The following SIPA1L2 variants were observed in gnomAD, a reference collection of about 807,000 sequenced individuals.
SIPA1L2 encodes the protein signal induced proliferation associated 1 like 2.
SIPA1L2 carries 56 observed loss-of-function variants against 163.9 expected under a neutral mutation model. The observed-to-expected ratio is 0.34, with a 90% CI of 0.28 to 0.43. The LOEUF (loss-of-function observed/expected upper bound fraction) is 0.43, where lower values mean the gene tolerates loss of function less well. Among genes scored for constraint, SIPA1L2 ranks in the 20% least tolerant of loss-of-function variants. The pLI is 1.00. For synonymous variants in SIPA1L2, 877 were observed against 865.7 expected, an observed-to-expected ratio of 1.01 and a Z score of -0.23; for missense variants, 1,974 against 2,193.5, an observed-to-expected ratio of 0.90 and a Z score of 2.00.
intron 2 of SIPA1L2, chr1:232,561,353 G>A (rs1659024441): frequency 6.6e-6 from 1 of 152,196 alleles, no homozygotes; most frequent in African/African-American, 2.4e-5. Flanking sequence ...TATTTGACCA[G>A]AAGACTACAT....
Position 232,464,951 on chromosome 1 carries a change from C to G in SIPA1L2, c.2709G>C (p.Trp903Cys). The G allele has an allele frequency of 6.2e-7, 1 of 1,614,212 alleles. No individual in the cohort carries two copies. The highest frequency in any genetic ancestry group is 8.5e-7 in the Non-Finnish European group (1 of 1,180,030). Residue 903 changes from tryptophan to cysteine, a missense_variant, in exon 9 of 23, where the codon TGG (tryptophan) becomes TGC (cysteine). Trp to Cys is a radical substitution (Grantham distance 215). This residue lies in a region of SIPA1L2 where 1,079 missense variants were observed against 1,150.7 expected (regional missense o/e 0.94). Transcript: ENST00000674635. ...FNCSCRDVIG[W>C]TSGLVSIKVF... ...CTTTGATACTCACTAATCCAGATGT[C>G]CACCCAATCACATCCCTGCAGGAAC...
intron 6 of SIPA1L2, among the ~76,000 whole-genome samples, chr1:232,480,832 A>G (rs1252725170): frequency 1.3e-5 from 2 of 152,212 alleles, no homozygotes; most frequent in Admixed American, 6.5e-5. Flanking sequence ...CTAAAAATCT[A>G]AATTTTTACT....
chr1:232,435,581 C>T (rs991444931), intron 15 of SIPA1L2, among the ~76,000 whole-genome samples: 1 of 152,188 alleles, frequency 6.6e-6, no homozygotes, highest in Non-Finnish European at 1.5e-5. Context: ...TAATGATAAA[C>T]AGCCCAACGT....
intron 1 of SIPA1L2, among the ~76,000 whole-genome samples, chr1:232,597,522 C>T (rs1354796656): frequency 7.1e-6 from 1 of 141,844 alleles, no homozygotes; most frequent in Non-Finnish European, 1.5e-5. Flanking sequence ...CTAAAAAATA[C>T]CAAAAAAAAA....
Position 232,425,772 on chromosome 1 carries a change from G to A in SIPA1L2, c.4447C>T (p.Leu1483Phe). The A allele has an allele frequency of 3.1e-6, 5 of 1,614,084 alleles. No individual in the cohort carries two copies. Among genetic ancestry groups the A allele is most frequent in the Non-Finnish European group, 4.2e-6 (5 of 1,179,976 alleles). Residue 1483 changes from leucine (L) to phenylalanine (F), a missense_variant, in exon 18 of 23, where the codon CTT becomes TTT. Coordinates refer to ENST00000674635, the MANE Select transcript of SIPA1L2 (RefSeq NM_020808.5). Reference sequence around the variant, plus strand: ...CTCTCGTCAGACAGCGTGCGGTAAAGCGACCTCCTTGGAGACAGGTTCCCA... The same window carrying A: ...CTCTCGTCAGACAGCGTGCGGTAAAACGACCTCCTTGGAGACAGGTTCCCA... ...FYGNLSPRRS[L>F]YRTLSDESIC... is the part of the protein sequence containing the mutation.
chr1:232,513,940 A>T lies in SIPA1L2; in HGVS notation c.1400T>A (p.Ile467Asn), dbSNP rs1333491543. 6.2e-7 allele frequency: 1 copy of T among 1,614,024 alleles called. No homozygotes were observed. The highest frequency in any genetic ancestry group is 8.5e-7 in the Non-Finnish European group (1 of 1,180,034). ...GTAGCGCTTCACTTTCTCCCTGTGA[A>T]TAGGCTGGTTTTCTCTGGGCACTTC... ...VLEVPRENQP[I>N]HREKVKRYII... The change falls in exon 3 of 23, where the codon ATT becomes AAT. Residue 467 changes from isoleucine (I) to asparagine (N), a missense_variant. Ile to Asn is a moderately radical substitution (Grantham distance 149). Transcript: ENST00000674635.
chr1:232,529,773 A>G (rs970079882), intron 2 of SIPA1L2, among the ~76,000 whole-genome samples: 6 of 152,256 alleles, frequency 3.9e-5, no homozygotes, highest in Non-Finnish European at 7.3e-5. Flanking sequence ...AGGAGTAAAT[A>G]GTTTTAAGTT....
intron 1 of SIPA1L2, among the ~76,000 whole-genome samples, chr1:232,606,606 G>A (rs1661934791): frequency 6.7e-6 from 1 of 149,128 alleles, no homozygotes; most frequent in South Asian, 2.1e-4. Flanking sequence ...CCTTACCAAT[G>A]AATTATATTA....
At chr1:232,608,244 C>T (rs1027119314) in intron 1 of SIPA1L2, among the ~76,000 whole-genome samples, 4 of 152,090 alleles carry the variant, frequency 2.6e-5, no homozygotes, top group African/African-American at 7.2e-5. Context: ...GACAGGGTTT[C>T]ACCATGGTGG....
chr1:232,629,502 C>T (rs995908495), intron 1 of SIPA1L2, among the ~76,000 whole-genome samples: 1 of 152,184 alleles, frequency 6.6e-6, no homozygotes, highest in Admixed American at 6.5e-5. Context: ...GAAGCTGCGT[C>T]GGGCAACCGC....
intron 2 of SIPA1L2, among the ~76,000 whole-genome samples, chr1:232,535,403 T>G (rs555764307): frequency 1.8e-3 from 268 of 152,290 alleles, no homozygotes; most frequent in Non-Finnish European, 3.0e-3. Flanking sequence ...TAAAATGTCT[T>G]TAGTCTGAAA....
At chr1:232,559,113 C>T (rs954724320) in intron 2 of SIPA1L2, among the ~76,000 whole-genome samples, 3 of 152,286 alleles carry the variant, frequency 2.0e-5, no homozygotes, top group Non-Finnish European at 4.4e-5. Flanking sequence ...TTTACCCCAG[C>T]AACCCCAGAC....
Position 232,425,803 on chromosome 1 carries a change from C to T in SIPA1L2, c.4416G>A (p.Ser1472=), listed in dbSNP as rs199772616. Residue 1472 remains serine, a synonymous_variant, in exon 18 of 23, where the codon TCG becomes TCA. Transcript: ENST00000674635. ...PLVEEGRRKF[S]FYGNLSPRRS... The stretch of plus-strand genomic sequence containing the variant: ...TCCTTGGAGACAGGTTCCCATAGAA[C>T]GAAAACTAGGGTTTAAACAAGGTGC... 170 of 1,613,226 alleles carry T rather than the reference C, an allele frequency of 1.1e-4. No homozygotes were observed. The highest frequency in any genetic ancestry group is 4.8e-4 in the African/African-American group (36 of 74,944).
In SIPA1L2 at chr1:232,570,651, G is replaced by T. The variant is rs532418410; in HGVS notation, c.-270+3523C>A. 4.6e-5 allele frequency among the ~76,000 whole-genome samples: 7 copies of T among 152,252 alleles called. No homozygotes were observed. The South Asian group carries it at 1.5e-3, about 32-fold the overall frequency. On this transcript the variant is annotated intron_variant, in intron 2 of 22. Transcript: ENST00000674635. Reference sequence around the variant, plus strand: ...GAGAAAAAAGACTACCTGGGACACAGTAGCTTATTCAAGGAAGCACACCTT... The same window carrying T: ...GAGAAAAAAGACTACCTGGGACACATTAGCTTATTCAAGGAAGCACACCTT...
At position 232,514,467 on chromosome 1, in the gene SIPA1L2, G is replaced by C. The variant is rs373117685; in HGVS notation, c.873C>G (p.Leu291=). The part of the protein sequence containing the change: ...RLKSESVETS[L]FRKLRTVKSE... ...TTTTAACAGTTCGAAGCTTTCGGAA[G>C]AGAGATGTTTCCACCGACTCTGATT... Residue 291 remains leucine, a synonymous_variant, in exon 3 of 23, where the codon CTC becomes CTG. Coordinates refer to ENST00000674635, the MANE Select transcript of SIPA1L2 (RefSeq NM_020808.5). The C allele has an allele frequency of 6.2e-7, 1 of 1,614,218 alleles. No individual in the cohort carries two copies. The highest frequency in any genetic ancestry group is 1.1e-5 in the South Asian group (1 of 91,092).
chr1:232,562,848 CTG>C (rs1194001035), intron 2 of SIPA1L2, among the ~76,000 whole-genome samples: 3 of 152,188 alleles, frequency 2.0e-5, no homozygotes, highest in African/African-American at 7.2e-5. Flanking sequence ...GCACCACTAA[CTG>C]TGCACATTCT....
chr1:232,554,283 CAT>C (rs2102726551), intron 2 of SIPA1L2, among the ~76,000 whole-genome samples: 1 of 152,272 alleles, frequency 6.6e-6, no homozygotes, highest in East Asian at 1.9e-4. Flanking sequence ...ATAGGAGAGA[CAT>C]AGCAGATCAG....
At chr1:232,584,981 T>C (rs1232798858) in intron 1 of SIPA1L2, among the ~76,000 whole-genome samples, 4 of 152,242 alleles carry the variant, frequency 2.6e-5, no homozygotes, top group African/African-American at 9.6e-5. Context: ...ATTCACTAAG[T>C]AGTAAGGGGA....
intron 19 of SIPA1L2, among the ~76,000 whole-genome samples, chr1:232,405,505 C>A (rs960934195): frequency 4.6e-5 from 7 of 152,208 alleles, no homozygotes; most frequent in African/African-American, 1.4e-4. Context: ...GTGACCTGCA[C>A]AGCAGAGCTG....
Sources: gnomAD v4.1 joint callset for allele counts (sites outside exome capture counted in the v4.1 genomes callset) on GRCh38, gnomAD v4.1.1 for gene constraint, gnomAD v4.1.1 regional missense constraint, MANE v1.5 for transcripts, NCBI Gene and HGNC (gene_info 2026-07-23, HGNC 2026-07-21) for gene names.